SCN8A: variants seen among roughly 807,000 people sequenced by gnomAD.
SCN8A encodes the protein sodium channel protein type 8 subunit alpha.
In SCN8A, 30 loss-of-function variants were observed where a neutral mutation model predicts 184.1. The observed-to-expected ratio is 0.16, with a 90% confidence interval of 0.12 to 0.22. The LOEUF (loss-of-function observed/expected upper bound fraction) is 0.22, where lower values mean the gene tolerates loss of function less well. Among genes scored for constraint, SCN8A ranks in the 10% least tolerant of loss-of-function variants. The probability of loss-of-function intolerance (pLI) is 1.00; values close to 1 mark genes in which losing one functional copy is unlikely to be tolerated. For missense variants in SCN8A, 1,057 were observed against 2,498.9 expected (o/e 0.42, Z 12.30); for synonymous variants, 852 against 907.0 (o/e 0.94, Z 1.09).
intron 1 of SCN8A, among the ~76,000 whole-genome samples, chr12:51,600,583 G>T (rs1939442061): frequency 6.6e-6 from 1 of 152,108 alleles, no homozygotes; most frequent in African/African-American, 2.4e-5. Flanking sequence ...GGTATAGCTG[G>T]GGTACAAGAC....
rs1938824282 is a variant in SCN8A at position 51,809,508 on chromosome 12, T to G, written c.*2079T>G. ...GACCACTAGAAACTGTCCAGCTCTCTTAAGCCTGCTTCTGCAGCAGCATCC... is the reference window on the plus strand; with the variant it reads ...GACCACTAGAAACTGTCCAGCTCTCGTAAGCCTGCTTCTGCAGCAGCATCC... On this transcript the variant is annotated 3_prime_UTR_variant, in exon 27 of 27. Coordinates refer to ENST00000627620, the MANE Select transcript of SCN8A (RefSeq NM_001330260.2). 1 of 152,254 alleles carries G rather than the reference T, an allele frequency of 6.6e-6. No individual in the cohort carries two copies. The highest frequency in any genetic ancestry group is 1.5e-5 in the Non-Finnish European group (1 of 68,050). The allele number at this position is 152,254 out of a possible 1,614,324, so 9.4% of individuals were successfully genotyped here. A position where few individuals can be genotyped will look rare whatever the true frequency, so the allele number is the denominator to read the frequency against.
rs11610383 is a variant in SCN8A, at chr12:51,772,707, A to G, written c.3646-1482A>G. Among the ~76,000 whole-genome samples the G allele has an allele frequency of 3.0e-3, 455 of 152,104 alleles. 4 individuals are homozygous for G. The highest frequency in any genetic ancestry group is 0.018 in the South Asian group (87 of 4,804). Reference sequence around the variant, plus strand: ...CCTGTTGATGAAAGTGGAGCCGGGCACGGTAGCTCACACCTGTAATCCCAG... The same window carrying G: ...CCTGTTGATGAAAGTGGAGCCGGGCGCGGTAGCTCACACCTGTAATCCCAG... On this transcript the variant is annotated intron_variant, in intron 19 of 26. Transcript: ENST00000627620.
intron 8 of SCN8A, 30 bp from the exon 9 acceptor site, chr12:51,702,743 A>G (rs1347119824): frequency 6.6e-7 from 1 of 1,524,044 alleles, no homozygotes; most frequent in Admixed American, 2.0e-5. Context: ...ATTATGTTGA[A>G]AAGTCCTGAA....
At chr12:51,613,885 A>G (rs1456616117) in intron 1 of SCN8A, among the ~76,000 whole-genome samples, 2 of 152,082 alleles carry the variant, frequency 1.3e-5, no homozygotes, top group South Asian at 4.1e-4. Context: ...ATTGATTTCT[A>G]GTTTATTCCA....
At chr12:51,705,074 A>G (rs574939521) in intron 9 of SCN8A, among the ~76,000 whole-genome samples, 1 of 152,336 alleles carries the variant, frequency 6.6e-6, no homozygotes, top group East Asian at 1.9e-4. Context: ...GGATCTGTAG[A>G]TAAATAAACT....
intron 19 of SCN8A, among the ~76,000 whole-genome samples, chr12:51,771,017 G>A (rs1017867045): frequency 1.3e-5 from 2 of 152,214 alleles, no homozygotes; most frequent in Admixed American, 1.3e-4. Context: ...CAGGATGGGA[G>A]GGAGGTGTTA....
chr12:51,698,204 A>G (rs373888273), intron 6 of SCN8A, among the ~76,000 whole-genome samples: 45 of 152,310 alleles, frequency 3.0e-4, no homozygotes, highest in African/African-American at 1.1e-3. Flanking sequence ...CAGCAGCCCT[A>G]TGCTACTCAA....
chr12:51,619,568 G>T (rs1406803329), intron 1 of SCN8A, among the ~76,000 whole-genome samples: 1 of 152,114 alleles, frequency 6.6e-6, no homozygotes, highest in African/African-American at 2.4e-5. Flanking sequence ...ATAGGTAATA[G>T]AAGCCTTCAT....
intron 26 of SCN8A, among the ~76,000 whole-genome samples, chr12:51,798,807 CAGAG>C (rs1273155295): frequency 6.6e-6 from 1 of 152,240 alleles, no homozygotes; most frequent in Non-Finnish European, 1.5e-5. Context: ...TTTGACCACT[CAGAG>C]AGGTCCATCC....
At chr12:51,776,610 G>A (rs2138883199) in intron 20 of SCN8A, among the ~76,000 whole-genome samples, 1 of 152,338 alleles carries the variant, frequency 6.6e-6, no homozygotes, top group East Asian at 1.9e-4. Context: ...TGCTAGGTGG[G>A]GGGACATTCC....
chr12:51,706,003 C>G (rs956837382), intron 10 of SCN8A, among the ~76,000 whole-genome samples: 2 of 152,144 alleles, frequency 1.3e-5, no homozygotes, highest in African/African-American at 4.8e-5. Flanking sequence ...AAGATACAGG[C>G]AAAATATTAA....
chr12:51,714,222 A>G (rs1369075225), intron 11 of SCN8A, among the ~76,000 whole-genome samples: 2 of 152,204 alleles, frequency 1.3e-5, no homozygotes, highest in Non-Finnish European at 2.9e-5. Flanking sequence ...TAACAGTGAC[A>G]ATTATTTAAA....
At position 51,794,319 on chromosome 12, in the gene SCN8A, G is replaced by T; in HGVS notation, c.4525-52G>T. 2.6e-6 allele frequency: 4 copies of T among 1,559,302 alleles called. No homozygotes were observed. The South Asian group carries it at 4.9e-5, about 19-fold the overall frequency. ...GCAGGGTGACAGCTTCCATAGGTTG[G>T]CTTGGAAAGGTTTTCATGAATCTTT... On this transcript the variant is annotated intron_variant, in intron 25 of 26. Transcript: ENST00000627620.
intron 2 of SCN8A, among the ~76,000 whole-genome samples, chr12:51,663,903 ATTTT>A (rs796653928): frequency 5.7e-5 from 4 of 69,822 alleles, no homozygotes; most frequent in African/African-American, 9.6e-5. Context: ...CATTTGACAG[ATTTT>A]TTTTTTTTTT....
At chr12:51,643,026 G>A (rs1206977039) in intron 1 of SCN8A, among the ~76,000 whole-genome samples, 2 of 152,110 alleles carry the variant, frequency 1.3e-5, no homozygotes, top group African/African-American at 4.8e-5. Context: ...TTGATTTGGA[G>A]TTTGATACTG....
rs773136267 is a variant in SCN8A, at chr12:51,810,525, T to C, written c.*3096T>C. ...CGCAGCCACAGTATCACTGCACATA[T>C]ATATATAGATATATAAATATAATAT... On this transcript the variant is annotated 3_prime_UTR_variant, in exon 27 of 27. Transcript: ENST00000627620. 3.9e-5 allele frequency: 8 copies of C among 203,862 alleles called. 1 individual carries two copies. Among genetic ancestry groups the C allele is most frequent in the South Asian group, 3.7e-4 (5 of 13,516 alleles). The allele number at this position is 203,862 out of a possible 1,614,324, so 12.6% of individuals were successfully genotyped here.
intron 26 of SCN8A, among the ~76,000 whole-genome samples, chr12:51,800,067 C>T (rs180883268): frequency 1.6e-4 from 24 of 152,330 alleles, no homozygotes; most frequent in Non-Finnish European, 2.9e-4. Flanking sequence ...CGATCAAGAT[C>T]TCTGCGAGCA....
At chr12:51,630,814 A>G (rs950121938) in intron 1 of SCN8A, among the ~76,000 whole-genome samples, 6 of 152,094 alleles carry the variant, frequency 3.9e-5, no homozygotes, top group African/African-American at 1.2e-4. Context: ...ATTCAAGTCC[A>G]TTCTAGGACT....
chr12:51,680,268 C>G (rs1166678565), intron 2 of SCN8A, among the ~76,000 whole-genome samples: 1 of 152,164 alleles, frequency 6.6e-6, no homozygotes, highest in Non-Finnish European at 1.5e-5. Flanking sequence ...AAGTGCAACA[C>G]TCAGTACCCA....
Sources: gnomAD v4.1 joint callset for allele counts (sites outside exome capture counted in the v4.1 genomes callset) on GRCh38, gnomAD v4.1.1 for gene constraint, MANE v1.5 for transcripts, NCBI Gene and HGNC (gene_info 2026-07-23, HGNC 2026-07-21) for gene names.